MAPRE1: variants seen among roughly 807,000 people sequenced by gnomAD.
MAPRE1 encodes the protein microtubule associated protein RP/EB family member 1.
In MAPRE1, 5 loss-of-function variants were observed where a neutral mutation model predicts 32.1. That is an observed-to-expected ratio of 0.16 (90% CI 0.08 to 0.33). The LOEUF (loss-of-function observed/expected upper bound fraction) is 0.33. Ranked by LOEUF, MAPRE1 falls within the 10% of genes least tolerant of loss-of-function variation. The pLI is 1.00. For missense variants in MAPRE1, 209 were observed against 327.2 expected (o/e 0.64, Z 2.79); for synonymous variants, 122 against 118.9 (o/e 1.03, Z -0.17).
intron 3 of MAPRE1, 43 bp downstream of exon 3, chr20:32,833,905 G>A (rs1294945926): frequency 1.3e-6 from 2 of 1,560,684 alleles, no homozygotes; most frequent in Non-Finnish European, 1.8e-6. Context: ...GTTCCTTAAT[G>A]ATCGTTACTA....
At chr20:32,846,829 C>G in intron 6 of MAPRE1, 59 bp downstream of exon 6, 1 of 1,543,032 alleles carries the variant, frequency 6.5e-7, no homozygotes, top group South Asian at 1.1e-5. Context: ...TTGGTGAACT[C>G]TGTGCTGATG....
intron 1 of MAPRE1, among the ~76,000 whole-genome samples, chr20:32,820,414 C>T (rs954284688): frequency 2.0e-5 from 3 of 152,032 alleles, no homozygotes; most frequent in African/African-American, 7.2e-5. Context: ...GGCCGTGTTG[C>T]CTGAGGGCCG....
intron 5 of MAPRE1, among the ~76,000 whole-genome samples, chr20:32,845,954 A>G (rs913506493): frequency 6.6e-6 from 1 of 152,190 alleles, no homozygotes; most frequent in Non-Finnish European, 1.5e-5. Context: ...GGTTTTTGCA[A>G]CTTGCATTCA....
chr20:32,847,144 G>A (rs1001000723), intron 6 of MAPRE1, among the ~76,000 whole-genome samples: 1 of 152,166 alleles, frequency 6.6e-6, no homozygotes, highest in African/African-American at 2.4e-5. Context: ...GGGCATGCCC[G>A]GAAAAGCAGG....
At chr20:32,846,791 T>G in intron 6 of MAPRE1, 21 bp downstream of exon 6, 3 of 1,612,692 alleles carry the variant, frequency 1.9e-6, no homozygotes, top group Non-Finnish European at 2.5e-6. Context: ...GACATGAGGA[T>G]ATTTTCTTTC....
At chr20:32,820,320 C>T (rs926286187) in intron 1 of MAPRE1, among the ~76,000 whole-genome samples, 4 of 152,048 alleles carry the variant, frequency 2.6e-5, no homozygotes, top group Non-Finnish European at 5.9e-5. Context: ...GCTGCAGCGA[C>T]TGGAGGTCCC....
At chr20:32,836,477 A>G (rs1170755107) in intron 3 of MAPRE1, among the ~76,000 whole-genome samples, 157 bp from the exon 4 acceptor site, 1 of 152,206 alleles carries the variant, frequency 6.6e-6, no homozygotes, top group Non-Finnish European at 1.5e-5. Context: ...GGCAAACTGC[A>G]TGAAACTTGC....
At chr20:32,838,449 A>C (rs1219196071) in intron 4 of MAPRE1, among the ~76,000 whole-genome samples, 1 of 152,158 alleles carries the variant, frequency 6.6e-6, no homozygotes. Context: ...GTGAACGTTC[A>C]TATACGGCTT....
intron 3 of MAPRE1, 28 bp from the exon 4 acceptor site, chr20:32,836,606 G>A: frequency 7.3e-7 from 1 of 1,377,870 alleles, no homozygotes; most frequent in Non-Finnish European, 1.0e-6. Context: ...CCTCTTTTTT[G>A]GGGCTAAACA....
At chr20:32,834,538 G>A (rs979718086) in intron 3 of MAPRE1, among the ~76,000 whole-genome samples, 1 of 152,002 alleles carries the variant, frequency 6.6e-6, no homozygotes, top group African/African-American at 2.4e-5. Context: ...GCCATTTTTG[G>A]GGGGATAACT....
chr20:32,831,581 T>C (rs1276469616), intron 2 of MAPRE1, among the ~76,000 whole-genome samples: 1 of 151,268 alleles, frequency 6.6e-6, no homozygotes, highest in Non-Finnish European at 1.5e-5. Context: ...CAGGCTGGAG[T>C]GCAATGAATG....
In MAPRE1 at chr20:32,848,930, C is replaced by G. The variant is rs1983577853; in HGVS notation, c.*202C>G. 2.1e-6 allele frequency: 1 copy of G among 485,348 alleles called. No homozygotes were observed. The highest frequency in any genetic ancestry group is 2.0e-5 in the African/African-American group (1 of 50,770). 30.1% of individuals were successfully genotyped at this position (485,348 alleles called of 1,614,324 possible). Reference sequence around the variant, plus strand: ...TAGGAGCTTTTACCTTGTAGCAGAGCAGTATTAACACCTAGTTGGTTCACC... The same window carrying G: ...TAGGAGCTTTTACCTTGTAGCAGAGGAGTATTAACACCTAGTTGGTTCACC... On this transcript the variant is annotated 3_prime_UTR_variant, in exon 7 of 7. Transcript: ENST00000375571.
At chr20:32,843,323 A>T (rs1983414673) in intron 5 of MAPRE1, 2 of 152,106 alleles carry the variant, frequency 1.3e-5, no homozygotes, top group African/African-American at 4.8e-5. Context: ...CTGTGGGAAA[A>T]ACAGTGTATC....
At chr20:32,836,985 G>A in intron 4 of MAPRE1, 144 bp downstream of exon 4, 1 of 761,494 alleles carries the variant, frequency 1.3e-6, no homozygotes, top group Non-Finnish European at 2.1e-6. Context: ...ATGGATTTTG[G>A]CATCAGGCAG....
chr20:32,830,825 C>T (rs1437808726), intron 2 of MAPRE1, among the ~76,000 whole-genome samples: 1 of 151,604 alleles, frequency 6.6e-6, no homozygotes, highest in East Asian at 2.0e-4. Context: ...CCCAGGTTCT[C>T]ACCATTCTCT....
chr20:32,824,738 G>T (rs1444864196), intron 1 of MAPRE1, among the ~76,000 whole-genome samples: 4 of 149,578 alleles, frequency 2.7e-5, no homozygotes, highest in Non-Finnish European at 5.9e-5. Context: ...GGACTCAGGC[G>T]CTCCTCCCAC....
chr20:32,840,566 C>G (rs1325656649), intron 5 of MAPRE1, among the ~76,000 whole-genome samples: 1 of 152,088 alleles, frequency 6.6e-6, no homozygotes, highest in African/African-American at 2.4e-5. Context: ...CTCAAGTGAT[C>G]CCCCTGCCTG....
chr20:32,839,304 C>G (rs1020644726), intron 4 of MAPRE1, among the ~76,000 whole-genome samples: 4 of 152,198 alleles, frequency 2.6e-5, no homozygotes, highest in Admixed American at 1.3e-4. Flanking sequence ...TGCCTTTGCT[C>G]TACGAAGCTG....
chr20:32,845,370 A>AT lies in MAPRE1; in HGVS notation c.598-1242dup, dbSNP rs1983481031. Among the ~76,000 whole-genome samples, 2 of 152,086 alleles carry AT rather than the reference A, an allele frequency of 1.3e-5. 1 individual carries two copies. Among genetic ancestry groups the AT allele is most frequent in the South Asian group, 4.1e-4 (2 of 4,826 alleles). ...TAGTACTTTATTGAAACTTTCAATT[A>AT]TTTTTTATTTCTGCGGCTGGTAAAG... On this transcript the variant is annotated intron_variant, in intron 5 of 6. Transcript: ENST00000375571.
Sources: allele counts gnomAD v4.1 joint callset (sites outside exome capture counted in the v4.1 genomes callset), GRCh38; gene constraint gnomAD v4.1.1; transcripts MANE v1.5; gene names NCBI Gene and HGNC (gene_info 2026-07-23, HGNC 2026-07-21).